Variants in SMPDL3B observed in about 807,000 individuals in gnomAD.
SMPDL3B encodes the protein acid sphingomyelinase-like phosphodiesterase 3b.
SMPDL3B carries 31 observed loss-of-function variants against 37.9 expected under a neutral mutation model. The observed-to-expected ratio is 0.82, with a 90% CI of 0.61 to 1.10. The LOEUF is 1.10. SMPDL3B is among the 50% of genes least tolerant of loss of function. SMPDL3B has a pLI of 0.00. For synonymous variants in SMPDL3B, 235 were observed against 242.6 expected, an observed-to-expected ratio of 0.97 and a Z score of 0.29; for missense variants, 525 against 597.8, an observed-to-expected ratio of 0.88 and a Z score of 1.27.
In SMPDL3B at chr1:27,935,148, G is replaced by GA; in HGVS notation, c.-35dup. 4 of 1,487,382 alleles carry GA rather than the reference G, an allele frequency of 2.7e-6. No individual in the cohort carries two copies. Among genetic ancestry groups the GA allele is most frequent in the Non-Finnish European group, 3.6e-6 (4 of 1,106,744 alleles). 92.1% of individuals were successfully genotyped at this position (1,487,382 alleles called of 1,614,324 possible). A position where few individuals can be genotyped will look rare whatever the true frequency, so the allele number is the denominator to read the frequency against. ...TGTGGTGAGAACAACAACAGTGCCT[G>GA]AGAATCCCACGGCTCTGGGGAAGTG... On this transcript the variant is annotated 5_prime_UTR_variant, in exon 1 of 8. Coordinates refer to ENST00000373894, the MANE Select transcript of SMPDL3B (RefSeq NM_014474.4).
chr1:27,954,910 C>A (rs1279781104), intron 5 of SMPDL3B, among the ~76,000 whole-genome samples: 3 of 152,212 alleles, frequency 2.0e-5, no homozygotes, highest in Non-Finnish European at 4.4e-5. Flanking sequence ...AGCCTGCTGG[C>A]CTGACAGCTC....
Position 27,958,455 on chromosome 1 carries a change from T to C in SMPDL3B, c.1006-21T>C. 2 of 1,581,154 alleles carry C rather than the reference T, an allele frequency of 1.3e-6. No individual in the cohort carries two copies. Among genetic ancestry groups the C allele is most frequent in the Middle Eastern group, 1.9e-4 (1 of 5,392 alleles). ...AGCAGACAACTGCTCACAGCCGGTCTACCCCAAACCCTTTTTCCAGGACAT... is the reference window on the plus strand; with the variant it reads ...AGCAGACAACTGCTCACAGCCGGTCCACCCCAAACCCTTTTTCCAGGACAT... On this transcript the variant is annotated intron_variant, in intron 7 of 7. Transcript: ENST00000373894. The surrounding 1 kb of genome is among the most constrained non-coding windows in gnomAD (Gnocchi z 5.6).
intron 1 of SMPDL3B, among the ~76,000 whole-genome samples, chr1:27,936,064 T>C (rs1479663863): frequency 2.0e-5 from 3 of 152,044 alleles, no homozygotes; most frequent in African/African-American, 7.3e-5. Context: ...TGCCTGTAGA[T>C]AGGAAGGACG....
intron 1 of SMPDL3B, among the ~76,000 whole-genome samples, chr1:27,941,001 A>G (rs911248849): frequency 6.6e-6 from 1 of 152,208 alleles, no homozygotes; most frequent in Non-Finnish European, 1.5e-5. Flanking sequence ...AACATCCTCT[A>G]GCTCAGTGAG....
At chr1:27,944,277 C>A (rs2090385869) in intron 1 of SMPDL3B, among the ~76,000 whole-genome samples, 1 of 152,156 alleles carries the variant, frequency 6.6e-6, no homozygotes, top group South Asian at 2.1e-4. Context: ...TCAGCCCGAT[C>A]TGAAGTGGCG....
At position 27,945,193 on chromosome 1, in the gene SMPDL3B, A is replaced by C; in HGVS notation, c.62-39A>C. 1 of 1,600,350 alleles carries C rather than the reference A, an allele frequency of 6.2e-7. No individual in the cohort carries two copies. Reference sequence around the variant, plus strand: ...GACTTCCTTGCTTCCAGGCTGAGAGAGAGACCAGCTTTGAAGGAGGATGTT... The same window carrying C: ...GACTTCCTTGCTTCCAGGCTGAGAGCGAGACCAGCTTTGAAGGAGGATGTT... On this transcript the variant is annotated intron_variant, in intron 1 of 7. Transcript: ENST00000373894. This position sits in a 1 kb window ranked among gnomAD's most constrained non-coding sequence, Gnocchi z 4.0.
rs1184223031 is a variant in SMPDL3B at position 27,939,296 on chromosome 1, CT to C, written c.61+4053del. On this transcript the variant is annotated intron_variant, in intron 1 of 7. Coordinates refer to ENST00000373894, the MANE Select transcript of SMPDL3B (RefSeq NM_014474.4). The stretch of plus-strand genomic sequence containing the variant: ...ATGACTATGGGAGTTCTCCCCACCC[CT>C]ATCACAAATCATACTAAAAAGATCC... Among the ~76,000 whole-genome samples the C allele has an allele frequency of 5.3e-5, 8 of 152,162 alleles. No homozygotes were observed. In the South Asian group the frequency reaches 6.2e-4, roughly 12 times the overall value.
rs766131309 is a variant in SMPDL3B, at chr1:27,954,522, A to G, written c.686A>G (p.Asp229Gly). 7 of 1,613,514 alleles carry G rather than the reference A, an allele frequency of 4.3e-6. No individual in the cohort carries two copies. In the African/African-American group the frequency reaches 9.3e-5, roughly 22 times the overall value. ...CTGACCGATGCATCCAAAGCTGGGG[A>G]CATGGTAAGAGGCCCTGCTTCTTTC... ...DVLTDASKAGDMVYIVGHVPP... is the reference protein window; with the variant it reads ...DVLTDASKAGGMVYIVGHVPP... Residue 229 changes from aspartate (D) to glycine (G), a missense_variant, in exon 5 of 8, where the codon GAC (aspartate) becomes GGC (glycine). Asp to Gly is a moderately conservative substitution (Grantham distance 94). Transcript: ENST00000373894.
At chr1:27,948,857 C>A in intron 2 of SMPDL3B, 1 of 809,544 alleles carries the variant, frequency 1.2e-6, no homozygotes. Context: ...GGTTAAACAG[C>A]CAATCAAGGG....
At chr1:27,951,715 G>A (rs1179303424) in intron 3 of SMPDL3B, among the ~76,000 whole-genome samples, 1 of 152,200 alleles carries the variant, frequency 6.6e-6, no homozygotes, top group African/African-American at 2.4e-5. Context: ...TGTGTGTGGT[G>A]CTGTGTATCT....
Position 27,958,472 on chromosome 1 carries a change from C to T in SMPDL3B, c.1006-4C>T. 1.3e-6 allele frequency: 2 copies of T among 1,593,734 alleles called. No individual in the cohort carries two copies. The highest frequency in any genetic ancestry group is 1.8e-4 in the Middle Eastern group (1 of 5,708). ...AGCCGGTCTACCCCAAACCCTTTTT[C>T]CAGGACATGGTGACCTACTTCATGA... On this transcript the variant is annotated splice_region_variant and splice_polypyrimidine_tract_variant and intron_variant, in intron 7 of 7. Transcript: ENST00000373894. This position sits in a 1 kb window ranked among gnomAD's most constrained non-coding sequence, Gnocchi z 5.6.
intron 2 of SMPDL3B, among the ~76,000 whole-genome samples, chr1:27,947,632 A>G (rs1334511422): frequency 5.8e-5 from 8 of 137,332 alleles, no homozygotes; most frequent in Admixed American, 1.5e-4. Context: ...AAAAAAAAAA[A>G]AAGAAATTAG....
rs748430948 is a variant in SMPDL3B at position 27,945,351 on chromosome 1, G to A, written c.181G>A (p.Asp61Asn). The change falls in exon 2 of 8, where the codon GAC becomes AAC. Residue 61 changes from aspartate to asparagine, a missense_variant. Coordinates refer to ENST00000373894, the MANE Select transcript of SMPDL3B (RefSeq NM_014474.4). The surrounding 1 kb of genome is among the most constrained non-coding windows in gnomAD (Gnocchi z 4.0). ...QPVPDAGPWG[D>N]YLCDSPWALI... is the part of the protein sequence containing the mutation. The stretch of plus-strand genomic sequence containing the variant: ...AGTGCCCGACGCAGGCCCCTGGGGT[G>A]ACTACCTCTGTGATTCTCCCTGGGC... 1.5e-5 allele frequency: 25 copies of A among 1,614,044 alleles called. No individual in the cohort carries two copies. Among genetic ancestry groups the A allele is most frequent in the Non-Finnish European group, 2.0e-5 (24 of 1,180,020 alleles).
At position 27,935,155 on chromosome 1, in the gene SMPDL3B, C is replaced by A; in HGVS notation, c.-29C>A. On this transcript the variant is annotated 5_prime_UTR_variant, in exon 1 of 8. Coordinates refer to ENST00000373894, the MANE Select transcript of SMPDL3B (RefSeq NM_014474.4). ...AGAACAACAACAGTGCCTGAGAATC[C>A]CACGGCTCTGGGGAAGTGAGCCCCG... The A allele has an allele frequency of 6.2e-7, 1 of 1,601,358 alleles. No homozygotes were observed. The highest frequency in any genetic ancestry group is 1.1e-5 in the South Asian group (1 of 90,718).
Position 27,951,887 on chromosome 1 carries a change from T to A in SMPDL3B, c.374-1328T>A, listed in dbSNP as rs567662464. Among the ~76,000 whole-genome samples, 3 of 152,298 alleles carry A rather than the reference T, an allele frequency of 2.0e-5. No individual in the cohort carries two copies. The East Asian group carries it at 5.8e-4, about 29-fold the overall frequency. ...CTAGCTCTGGTATGGTTTAGCTGGG[T>A]AATCTCATAAAGACTCAGTCTGCTC... On this transcript the variant is annotated intron_variant, in intron 3 of 7. Transcript: ENST00000373894.
At chr1:27,948,952 G>T in intron 2 of SMPDL3B, 113 bp from the exon 3 acceptor site, 1 of 1,558,276 alleles carries the variant, frequency 6.4e-7, no homozygotes. Context: ...CCCTCAAGGG[G>T]ACATCTGAGG....
At chr1:27,938,171 A>C (rs1248657507) in intron 1 of SMPDL3B, among the ~76,000 whole-genome samples, 1 of 152,134 alleles carries the variant, frequency 6.6e-6, no homozygotes, top group East Asian at 1.9e-4. Context: ...CTTCAACCTC[A>C]AGCTTGCCCT....
chr1:27,947,255 C>T (rs973753796), intron 2 of SMPDL3B, among the ~76,000 whole-genome samples: 1 of 152,082 alleles, frequency 6.6e-6, no homozygotes, highest in Non-Finnish European at 1.5e-5. Context: ...AGAGTGGTCT[C>T]AAACTCCCGA....
At chr1:27,936,137 T>G (rs1484076208) in intron 1 of SMPDL3B, among the ~76,000 whole-genome samples, 1 of 152,120 alleles carries the variant, frequency 6.6e-6, no homozygotes, top group Non-Finnish European at 1.5e-5. Context: ...GTGTAATCTA[T>G]TCTGACTTCT....
Sources: gnomAD v4.1 joint callset for allele counts (sites outside exome capture counted in the v4.1 genomes callset) on GRCh38, gnomAD v4.1.1 for gene constraint, Gnocchi (gnomAD v3.1) non-coding constraint, MANE v1.5 for transcripts, NCBI Gene and HGNC (gene_info 2026-07-23, HGNC 2026-07-21) for gene names.